Variants in CRISP3 observed in about 807,000 individuals in gnomAD.
CRISP3 encodes cysteine-rich secretory protein 3.
In CRISP3, 33 loss-of-function variants were observed where a neutral mutation model predicts 36.1. The observed-to-expected ratio is 0.91, with a 90% confidence interval of 0.69 to 1.22. CRISP3 has a LOEUF of 1.22. CRISP3 is among the 50% of genes most tolerant of loss of function. CRISP3 has a pLI of 0.00. For synonymous variants in CRISP3, 117 were observed against 104.6 expected (o/e 1.12, Z -0.72); for missense variants, 330 against 301.2 (o/e 1.10, Z -0.71).
rs538912565 is a variant in CRISP3, at chr6:49,736,776, G to A, written c.112-269C>T. On this transcript the variant is annotated intron_variant, in intron 2 of 7. Coordinates refer to ENST00000263045, the MANE Select transcript of CRISP3 (RefSeq NM_006061.4). The stretch of plus-strand genomic sequence containing the variant: ...TTTCTGGGTTAAGAGAGGTCTTAAT[G>A]TGATTTTTCTAAATATATGAGTGAT... Among the ~76,000 whole-genome samples the A allele has an allele frequency of 1.5e-4, 23 of 152,236 alleles. No homozygotes were observed. In the South Asian group the frequency reaches 4.8e-3, roughly 32 times the overall value.
At chr6:49,730,536 T>A (rs1308356055) in intron 7 of CRISP3, among the ~76,000 whole-genome samples, 1 of 152,214 alleles carries the variant, frequency 6.6e-6, no homozygotes, top group African/African-American at 2.4e-5. Context: ...TTTCCTTTTT[T>A]AAAATAATGC....
chr6:49,738,360 A>C (rs1435472607), intron 1 of CRISP3, among the ~76,000 whole-genome samples: 2 of 152,248 alleles, frequency 1.3e-5, no homozygotes, highest in Non-Finnish European at 2.9e-5. Context: ...GCAGTATATT[A>C]GACATAAAAA....
rs769080914 is a variant in CRISP3 at position 49,737,466 on chromosome 6, T to TGTATGA, written c.38-69_38-68insTCATAC. 62 of 1,544,544 alleles carry TGTATGA rather than the reference T, an allele frequency of 4.0e-5. No individual in the cohort carries two copies. In the African/African-American group the frequency reaches 7.8e-4, roughly 19 times the overall value. ...GATTGGTACATGCTGTTGAGTAACA[T>TGTATGA]GGGGGTGGGAGAAACGTAATGACCT... On this transcript the variant is annotated intron_variant, in intron 1 of 7. Transcript: ENST00000263045.
intron 6 of CRISP3, among the ~76,000 whole-genome samples, chr6:49,732,484 A>G (rs967340549): frequency 6.6e-6 from 1 of 152,190 alleles, no homozygotes; most frequent in Non-Finnish European, 1.5e-5. Flanking sequence ...TCTTCAATAT[A>G]TCCACAGATT....
At position 49,728,366 on chromosome 6, in the gene CRISP3, T is replaced by G. The variant is rs1582186647; in HGVS notation, c.*364A>C. ...GTTCATGTGAAAATTATATTGTTCT[T>G]TTTGTACATTTTGTTCTAGGAACAT... On this transcript the variant is annotated 3_prime_UTR_variant, in exon 8 of 8. Coordinates refer to ENST00000263045, the MANE Select transcript of CRISP3 (RefSeq NM_006061.4). 6.3e-6 allele frequency: 1 copy of G among 157,898 alleles called. No homozygotes were observed. The highest frequency in any genetic ancestry group is 1.9e-4 in the East Asian group (1 of 5,404). The allele number at this position is 157,898 out of a possible 1,614,324, so 9.8% of individuals were successfully genotyped here. A position where few individuals can be genotyped will look rare whatever the true frequency, so the allele number is the denominator to read the frequency against.
intron 7 of CRISP3, among the ~76,000 whole-genome samples, chr6:49,730,356 C>T (rs1203503307): frequency 1.3e-5 from 2 of 151,784 alleles, no homozygotes; most frequent in African/African-American, 2.4e-5. Context: ...TATTAGCAAG[C>T]AGAAGTGCAA....
rs1471901010 is a variant in CRISP3, at chr6:49,727,396, T to C, written c.*1334A>G. On this transcript the variant is annotated 3_prime_UTR_variant, in exon 8 of 8. Coordinates refer to ENST00000263045, the MANE Select transcript of CRISP3 (RefSeq NM_006061.4). The stretch of plus-strand genomic sequence containing the variant: ...TTGTATTTTTTTTCAAGACACTTTT[T>C]ATTTTGCATTGCTTTCTTAGACTTA... 1.3e-5 allele frequency: 2 copies of C among 152,100 alleles called. No individual in the cohort carries two copies. 9.4% of individuals were successfully genotyped at this position (152,100 alleles called of 1,614,324 possible). A position where few individuals can be genotyped will look rare whatever the true frequency, so the allele number is the denominator to read the frequency against.
intron 1 of CRISP3, among the ~76,000 whole-genome samples, chr6:49,741,605 T>C (rs952304761): frequency 6.9e-6 from 1 of 145,510 alleles, no homozygotes; most frequent in Non-Finnish European, 1.5e-5. Flanking sequence ...TCAACCCCTG[T>C]ATGTAGTTTT....
chr6:49,730,178 C>A (rs1159941050), intron 7 of CRISP3, among the ~76,000 whole-genome samples: 1 of 151,766 alleles, frequency 6.6e-6, no homozygotes, highest in East Asian at 1.9e-4. Context: ...GTAACATATC[C>A]TAGTTAAACA....
intron 6 of CRISP3, among the ~76,000 whole-genome samples, chr6:49,732,752 A>T (rs1768945869): frequency 6.6e-6 from 1 of 152,196 alleles, no homozygotes; most frequent in South Asian, 2.1e-4. Flanking sequence ...GATAAGCAGG[A>T]GTAAGAGCAT....
At chr6:49,742,780 T>A (rs959216089) in intron 1 of CRISP3, among the ~76,000 whole-genome samples, 4 of 152,046 alleles carry the variant, frequency 2.6e-5, no homozygotes, top group Admixed American at 2.6e-4. Context: ...ATAAATCAAC[T>A]GGTGGAGGAA....
At position 49,728,272 on chromosome 6, in the gene CRISP3, C is replaced by T. The variant is rs1461569351; in HGVS notation, c.*458G>A. On this transcript the variant is annotated 3_prime_UTR_variant, in exon 8 of 8. Transcript: ENST00000263045. ...GAATGAGTGAAAAGAATTAAGACAG[C>T]ATATGGGAAAACGTCTTTGAAGATG... 3 of 152,352 alleles carry T rather than the reference C, an allele frequency of 2.0e-5. No homozygotes were observed. Among genetic ancestry groups the T allele is most frequent in the African/African-American group, 7.2e-5 (3 of 41,426 alleles). The allele number at this position is 152,352 out of a possible 1,614,324, so 9.4% of individuals were successfully genotyped here. A position where few individuals can be genotyped will look rare whatever the true frequency, so the allele number is the denominator to read the frequency against.
intron 1 of CRISP3, among the ~76,000 whole-genome samples, chr6:49,739,789 C>T (rs1209870518): frequency 6.6e-6 from 1 of 152,128 alleles, no homozygotes. Flanking sequence ...CCTCTCCTGT[C>T]ATTCACTTCC....
intron 1 of CRISP3, 92 bp downstream of exon 1, chr6:49,744,239 G>T: frequency 2.3e-6 from 2 of 871,622 alleles, no homozygotes; most frequent in South Asian, 2.0e-5. Flanking sequence ...TAAAATATAC[G>T]AATATATCAC....
chr6:49,739,191 C>G (rs1436894121), intron 1 of CRISP3, among the ~76,000 whole-genome samples: 1 of 152,152 alleles, frequency 6.6e-6, no homozygotes, highest in Non-Finnish European at 1.5e-5. Context: ...GATGGGCCCT[C>G]TAGTGCGTCT....
At chr6:49,742,383 G>A (rs1476731390) in intron 1 of CRISP3, among the ~76,000 whole-genome samples, 2 of 152,074 alleles carry the variant, frequency 1.3e-5, no homozygotes, top group Admixed American at 6.5e-5. Context: ...TGTAATCCTA[G>A]CACTTTGGGA....
At chr6:49,731,336 C>T (rs1252370821) in intron 6 of CRISP3, 85 bp from the exon 7 acceptor site, 1 of 614,058 alleles carries the variant, frequency 1.6e-6, no homozygotes, top group Non-Finnish European at 2.8e-6. Flanking sequence ...ACCAAATATA[C>T]ATGAGTATTT....
chr6:49,739,003 A>G (rs78178833), intron 1 of CRISP3, among the ~76,000 whole-genome samples: 1,677 of 148,674 alleles, frequency 0.011, 21 homozygotes, highest in African/African-American at 0.039. Flanking sequence ...TGAAGTCTGA[A>G]AAAAAAAAAG....
intron 3 of CRISP3, among the ~76,000 whole-genome samples, chr6:49,736,161 G>A (rs950555820): frequency 1.3e-5 from 2 of 152,030 alleles, no homozygotes; most frequent in Non-Finnish European, 2.9e-5. Context: ...CCAAAGATTA[G>A]GTTTTAATTC....
Sources: allele counts gnomAD v4.1 joint callset (sites outside exome capture counted in the v4.1 genomes callset), GRCh38; gene constraint gnomAD v4.1.1; transcripts MANE v1.5; gene names NCBI Gene and HGNC (gene_info 2026-07-23, HGNC 2026-07-21).